Variants in CDH13 observed in about 807,000 individuals in gnomAD.
CDH13 encodes the protein cadherin 13, also known as cadherin-13.
CDH13 carries 24 observed loss-of-function variants against 63.8 expected under a neutral mutation model. That is an observed-to-expected ratio of 0.38 (90% CI 0.27 to 0.53). CDH13 has a LOEUF of 0.53. Ranked by LOEUF, CDH13 falls within the 20% of genes least tolerant of loss-of-function variation. The pLI is 0.85. For synonymous variants in CDH13, 503 were observed against 355.3 expected (o/e 1.42, Z -4.67); for missense variants, 1,049 against 903.1 (o/e 1.16, Z -2.07).
chr16:83,301,923 G>T (rs2151876932), intron 5 of CDH13, among the ~76,000 whole-genome samples: 1 of 149,194 alleles, frequency 6.7e-6, no homozygotes, highest in Admixed American at 6.7e-5. Flanking sequence ...AAAATTGGAA[G>T]AAATCACTTT....
At chr16:83,145,187 T>A (rs2151683438) in intron 4 of CDH13, among the ~76,000 whole-genome samples, 2 of 152,314 alleles carry the variant, frequency 1.3e-5, no homozygotes, top group Middle Eastern at 6.8e-3. Context: ...AGTGATGAGC[T>A]GTTTGTCAGG....
chr16:83,204,960 C>G (rs372255504), intron 4 of CDH13, among the ~76,000 whole-genome samples: 35 of 152,352 alleles, frequency 2.3e-4, no homozygotes, highest in African/African-American at 8.4e-4. Flanking sequence ...TTACACTTCA[C>G]TAGCTAACGC....
At chr16:82,672,308 CT>C (rs2150946040) in intron 1 of CDH13, among the ~76,000 whole-genome samples, 1 of 152,276 alleles carries the variant, frequency 6.6e-6, no homozygotes, top group South Asian at 2.1e-4. Context: ...ATTATTACTC[CT>C]TGATAGATAG....
At chr16:82,898,188 C>T (rs1292603103) in intron 2 of CDH13, among the ~76,000 whole-genome samples, 2 of 152,076 alleles carry the variant, frequency 1.3e-5, no homozygotes, top group African/African-American at 2.4e-5. Flanking sequence ...AAATTAATTC[C>T]ACCCATTTCT....
At chr16:83,341,617 T>C (rs1403876938) in intron 5 of CDH13, among the ~76,000 whole-genome samples, 1 of 152,220 alleles carries the variant, frequency 6.6e-6, no homozygotes, top group Non-Finnish European at 1.5e-5. Flanking sequence ...AAGCATGATA[T>C]ACTTCTTTCT....
intron 6 of CDH13, among the ~76,000 whole-genome samples, chr16:83,445,298 A>ATTATGAAAGCTTTTATAAT (rs2072651995): frequency 7.7e-6 from 1 of 130,102 alleles, no homozygotes; most frequent in Non-Finnish European, 1.7e-5. Flanking sequence ...GGTTTTATAA[A>ATTATGAAAGCTTTTATAAT]TTATAAAAGG....
chr16:83,125,176 A>C (rs2035754897), intron 3 of CDH13, among the ~76,000 whole-genome samples: 2 of 152,242 alleles, frequency 1.3e-5, no homozygotes, highest in Non-Finnish European at 2.9e-5. Context: ...GGGTGTTCAA[A>C]TAGCTTAATG....
At chr16:82,684,353 A>T (rs1248659420) in intron 1 of CDH13, among the ~76,000 whole-genome samples, 2 of 152,154 alleles carry the variant, frequency 1.3e-5, no homozygotes, top group Non-Finnish European at 2.9e-5. Context: ...CTTAGATAAC[A>T]TCATGTGTCT....
At chr16:83,730,383 C>G (rs1486338446) in intron 10 of CDH13, among the ~76,000 whole-genome samples, 5 of 152,210 alleles carry the variant, frequency 3.3e-5, no homozygotes, top group Admixed American at 6.5e-5. Context: ...TTTCTTTAAG[C>G]TAAATAATTA....
In CDH13 at chr16:82,834,339, C is replaced by T. The variant is rs747442523; in HGVS notation, c.46-24023C>T. 5.3e-5 allele frequency among the ~76,000 whole-genome samples: 8 copies of T among 152,266 alleles called. No individual in the cohort carries two copies. The East Asian group carries it at 9.7e-4, about 18-fold the overall frequency. ...CAAGAGAGAGATTTCAAAACCACCA[C>T]GAGGAGGCCCCTAAACATGCAGGCA... is the stretch of plus-strand genomic sequence containing the variant. On this transcript the variant is annotated intron_variant, in intron 1 of 13. Coordinates refer to ENST00000567109, the MANE Select transcript of CDH13 (RefSeq NM_001257.5).
chr16:82,890,499 C>T (rs1203702757), intron 2 of CDH13, among the ~76,000 whole-genome samples: 1 of 152,126 alleles, frequency 6.6e-6, no homozygotes, highest in Non-Finnish European at 1.5e-5. Flanking sequence ...TTGGTGTCAG[C>T]TATGGAGTCA....
At chr16:83,558,871 G>T (rs2075649919) in intron 7 of CDH13, among the ~76,000 whole-genome samples, 1 of 152,190 alleles carries the variant, frequency 6.6e-6, no homozygotes, top group Non-Finnish European at 1.5e-5. Context: ...TGCGTAGTGT[G>T]CGGGTATCCG....
intron 5 of CDH13, among the ~76,000 whole-genome samples, chr16:83,323,891 T>C (rs2090297062): frequency 6.6e-6 from 1 of 152,172 alleles, no homozygotes; most frequent in African/African-American, 2.4e-5. Flanking sequence ...CCATCCTCCC[T>C]TACCTCTTGA....
At chr16:82,953,780 C>T (rs960310855) in intron 2 of CDH13, 1 of 152,126 alleles carries the variant, frequency 6.6e-6, no homozygotes, top group South Asian at 2.1e-4. Flanking sequence ...AAAGCCAAGA[C>T]AGGCTTCCAG....
intron 1 of CDH13, among the ~76,000 whole-genome samples, chr16:82,668,455 G>C (rs1282817559): frequency 3.3e-5 from 5 of 152,148 alleles, no homozygotes; most frequent in Non-Finnish European, 1.5e-5. Context: ...ACTGGTAAAG[G>C]GGGGACAGTT....
chr16:82,648,223 C>T (rs1350273903), intron 1 of CDH13, among the ~76,000 whole-genome samples: 3 of 152,068 alleles, frequency 2.0e-5, no homozygotes, highest in East Asian at 3.8e-4. Context: ...TAGTCATGCA[C>T]TTTGGGGAAG....
At chr16:83,170,180 G>A (rs1286823953) in intron 4 of CDH13, among the ~76,000 whole-genome samples, 1 of 152,064 alleles carries the variant, frequency 6.6e-6, no homozygotes, top group African/African-American at 2.4e-5. Flanking sequence ...TTTATAATGT[G>A]TCTTAACACA....
intron 7 of CDH13, among the ~76,000 whole-genome samples, chr16:83,590,763 G>A (rs538830636): frequency 6.6e-6 from 1 of 152,276 alleles, no homozygotes; most frequent in Admixed American, 6.5e-5. Flanking sequence ...TAACCGAAGT[G>A]TGCCCCTAAA....
intron 1 of CDH13, among the ~76,000 whole-genome samples, chr16:82,842,163 T>TACACAC (rs1237331745): frequency 3.8e-5 from 1 of 26,192 alleles, no homozygotes; most frequent in African/African-American, 8.6e-5. Context: ...TATATATATA[T>TACACAC]ACACACACAC....
Sources: gnomAD v4.1 joint callset for allele counts (sites outside exome capture counted in the v4.1 genomes callset) on GRCh38, gnomAD v4.1.1 for gene constraint, MANE v1.5 for transcripts, NCBI Gene and HGNC (gene_info 2026-07-23, HGNC 2026-07-21) for gene names.